CD2AP: variants seen among roughly 807,000 people sequenced by gnomAD.
CD2AP encodes the protein CD2-associated protein.
CD2AP carries 46 observed loss-of-function variants against 85.1 expected under a neutral mutation model. The observed-to-expected ratio is 0.54, with a 90% CI of 0.43 to 0.69. The LOEUF (loss-of-function observed/expected upper bound fraction) is 0.69. CD2AP is among the 30% of genes least tolerant of loss of function. CD2AP has a pLI of 0.00. For synonymous variants in CD2AP, 255 were observed against 252.9 expected (o/e 1.01, Z -0.08); for missense variants, 769 against 729.5 (o/e 1.05, Z -0.62).
chr6:47,585,323 G>A (rs1768595913), intron 11 of CD2AP, among the ~76,000 whole-genome samples: 1 of 151,720 alleles, frequency 6.6e-6, no homozygotes, highest in South Asian at 2.1e-4. Context: ...AAAGGAAGGT[G>A]ATGCATTTTT....
chr6:47,575,934 A>C lies in CD2AP; in HGVS notation c.730-590A>C, dbSNP rs554862887. ...CTTTTACTATGGACAGATGACTTAT[A>C]CAAATTTGTATTATTGTTTGAATAG... On this transcript the variant is annotated intron_variant, in intron 6 of 17. Transcript: ENST00000359314. Among the ~76,000 whole-genome samples, 4 of 152,268 alleles carry C rather than the reference A, an allele frequency of 2.6e-5. No individual in the cohort carries two copies. In the East Asian group the frequency reaches 7.7e-4, roughly 29 times the overall value.
At position 47,612,522 on chromosome 6, in the gene CD2AP, A is replaced by G. The variant is rs1412825471; in HGVS notation, c.1864A>G (p.Arg622Gly). ...RKDLEEEKTM[R>G]SNLEMEIEKL... ...AGATTTGGAAGAAGAGAAGACAATG[A>G]GAAGTAATCTAGAGGTAATTAATTT... Residue 622 changes from arginine (R) to glycine (G), a missense_variant, in exon 17 of 18, where the codon AGA becomes GGA. Transcript: ENST00000359314. 3 of 1,606,994 alleles carry G rather than the reference A, an allele frequency of 1.9e-6. No individual in the cohort carries two copies. The highest frequency in any genetic ancestry group is 2.6e-6 in the Non-Finnish European group (3 of 1,174,102).
intron 2 of CD2AP, among the ~76,000 whole-genome samples, chr6:47,525,074 T>TA (rs1267196890): frequency 3.3e-5 from 5 of 151,738 alleles, no homozygotes; most frequent in African/African-American, 4.8e-5. Flanking sequence ...TTACTTATAT[T>TA]AAAAAAAACA....
rs1768411066 is a variant in CD2AP, at chr6:47,579,457, G to C, written c.976G>C (p.Val326Leu). The C allele has an allele frequency of 6.2e-7, 1 of 1,610,828 alleles. No homozygotes were observed. Among genetic ancestry groups the C allele is most frequent in the Non-Finnish European group, 8.5e-7 (1 of 1,177,072 alleles). Residue 326 changes from valine to leucine, a missense_variant, in exon 9 of 18, where the codon GTC becomes CTC. Coordinates refer to ENST00000359314, the MANE Select transcript of CD2AP (RefSeq NM_012120.3). The stretch of plus-strand genomic sequence containing the variant: ...AGGAGTATTTCCAGACAATTTTGCT[G>C]TCCAGATAAATGAACTTGATAAAGA... ...KEGVFPDNFA[V>L]QINELDKDFP...
chr6:47,486,057 A>G (rs1765557956), intron 1 of CD2AP, among the ~76,000 whole-genome samples: 1 of 152,232 alleles, frequency 6.6e-6, no homozygotes, highest in Non-Finnish European at 1.5e-5. Flanking sequence ...TAACACCAAT[A>G]TTAAGAAAAA....
chr6:47,555,567 C>T (rs565906040), intron 5 of CD2AP, among the ~76,000 whole-genome samples: 30 of 151,698 alleles, frequency 2.0e-4, no homozygotes, highest in South Asian at 8.4e-4. Context: ...TTTTTAGAAC[C>T]GGCTTAATGC....
intron 4 of CD2AP, among the ~76,000 whole-genome samples, chr6:47,554,084 C>T (rs183085722): frequency 4.3e-4 from 65 of 151,880 alleles, no homozygotes; most frequent in African/African-American, 1.5e-3. Context: ...AGCTAACTTT[C>T]GTATTTTTTT....
chr6:47,562,490 A>G (rs1450894542), intron 5 of CD2AP: 1 of 207,396 alleles, frequency 4.8e-6, no homozygotes, highest in Non-Finnish European at 9.9e-6. Context: ...TAATTATAGT[A>G]ATAATTTTTA....
chr6:47,608,186 T>C (rs1161410542), intron 15 of CD2AP, among the ~76,000 whole-genome samples, 158 bp downstream of exon 15: 1 of 152,194 alleles, frequency 6.6e-6, no homozygotes, highest in East Asian at 1.9e-4. Context: ...TTCATCAGAC[T>C]ATTTTCTGCA....
At chr6:47,558,373 A>G (rs1035528784) in intron 5 of CD2AP, among the ~76,000 whole-genome samples, 6 of 152,148 alleles carry the variant, frequency 3.9e-5, no homozygotes, top group African/African-American at 1.4e-4. Flanking sequence ...AATAGGAGTG[A>G]TGAGAGAGGA....
At chr6:47,499,229 G>A (rs111777086) in intron 1 of CD2AP, among the ~76,000 whole-genome samples, 54 of 152,192 alleles carry the variant, frequency 3.5e-4, no homozygotes, top group African/African-American at 1.2e-3. Context: ...ATGAAGTCGT[G>A]GCATTTGGTT....
At chr6:47,617,221 T>C (rs1216497990) in intron 17 of CD2AP, among the ~76,000 whole-genome samples, 1 of 152,162 alleles carries the variant, frequency 6.6e-6, no homozygotes, top group East Asian at 1.9e-4. Flanking sequence ...CACTTTGGCC[T>C]CCCAAAGTGG....
At chr6:47,574,284 C>G in intron 6 of CD2AP, 33 bp downstream of exon 6, 1 of 1,546,012 alleles carries the variant, frequency 6.5e-7, no homozygotes, top group Non-Finnish European at 8.9e-7. Flanking sequence ...ATTAACTCCA[C>G]TCATTCTCTC....
At chr6:47,589,805 A>G (rs1302013247) in intron 11 of CD2AP, among the ~76,000 whole-genome samples, 1 of 152,002 alleles carries the variant, frequency 6.6e-6, no homozygotes, top group African/African-American at 2.4e-5. Context: ...AGCTCATGAA[A>G]GAGGAGGTAT....
At chr6:47,545,295 C>G (rs1237500630) in intron 4 of CD2AP, 1 of 154,258 alleles carries the variant, frequency 6.5e-6, no homozygotes, top group African/African-American at 2.4e-5. Context: ...CTGAAGGAAG[C>G]AAACTGCTCC....
chr6:47,561,540 A>G (rs1488105486), intron 5 of CD2AP, among the ~76,000 whole-genome samples: 1 of 151,846 alleles, frequency 6.6e-6, no homozygotes, highest in Non-Finnish European at 1.5e-5. Flanking sequence ...GGTCATTGCT[A>G]CTGGGGTAAT....
At chr6:47,573,031 T>A (rs141201012) in intron 5 of CD2AP, among the ~76,000 whole-genome samples, 2 of 152,304 alleles carry the variant, frequency 1.3e-5, no homozygotes, top group East Asian at 3.9e-4. Context: ...TGTTTCTTAC[T>A]TAGATTATAA....
intron 14 of CD2AP, among the ~76,000 whole-genome samples, chr6:47,607,545 G>A (rs1769309147): frequency 1.3e-5 from 2 of 152,062 alleles, no homozygotes; most frequent in South Asian, 4.1e-4. Flanking sequence ...TTTCTCTGAT[G>A]ATTGTTGTGA....
At chr6:47,526,412 T>C (rs955833004) in intron 2 of CD2AP, among the ~76,000 whole-genome samples, 1 of 152,158 alleles carries the variant, frequency 6.6e-6, no homozygotes, top group African/African-American at 2.4e-5. Context: ...GCAGTATGTA[T>C]TTGGAAGGCT....
Sources: allele counts gnomAD v4.1 joint callset (sites outside exome capture counted in the v4.1 genomes callset), GRCh38; gene constraint gnomAD v4.1.1; transcripts MANE v1.5; gene names NCBI Gene and HGNC (gene_info 2026-07-23, HGNC 2026-07-21).